AKAP14: variants seen among roughly 807,000 people sequenced by gnomAD.
The protein encoded by AKAP14 is A-kinase anchoring protein 14, also known as A-kinase anchor protein 14.
AKAP14 carries 4 observed loss-of-function variants against 17.0 expected under a neutral mutation model. That is an observed-to-expected ratio of 0.23 (90% CI 0.12 to 0.54). The LOEUF is 0.54. Ranked by LOEUF, AKAP14 falls within the 20% of genes least tolerant of loss-of-function variation. The pLI, the probability that AKAP14 is intolerant of heterozygous loss-of-function variation, is 0.95. For missense variants in AKAP14, 129 were observed against 150.9 expected (o/e 0.85, Z 0.76); for synonymous variants, 42 against 51.3 (o/e 0.82, Z 0.77).
At chrX:119,916,653 C>CTTT (rs34475201) in intron 5 of AKAP14, among the ~76,000 whole-genome samples, 1 of 66,461 alleles carries the variant, frequency 1.5e-5, no homozygotes, top group Non-Finnish European at 2.8e-5. Flanking sequence ...CCACGCCTGG[C>CTTT]TTTTTTTTTT....
intron 4 of AKAP14, among the ~76,000 whole-genome samples, chrX:119,908,103 TG>T (rs1443840166): frequency 9.1e-6 from 1 of 110,319 alleles, no homozygotes; most frequent in Non-Finnish European, 1.9e-5. Flanking sequence ...CTGGTCAACA[TG>T]GTGAAACCCT....
At chrX:119,906,295 C>T (rs1464690377) in intron 4 of AKAP14, among the ~76,000 whole-genome samples, 3 of 82,833 alleles carry the variant, frequency 3.6e-5, no homozygotes, top group East Asian at 4.3e-4. Flanking sequence ...AGTGCAGTGG[C>T]GTGATCTTGG....
rs537562998 is a variant in AKAP14 at position 119,914,575 on chromosome X, G to A, written c.262-124G>A. 14 of 636,446 alleles carry A rather than the reference G, an allele frequency of 2.2e-5. No individual in the cohort carries two copies. In the South Asian group the frequency reaches 3.6e-4, roughly 17 times the overall value. 52.5% of individuals were successfully genotyped at this position (636,446 alleles called of 1,213,427 possible). Reference sequence around the variant, plus strand: ...TGGGCTCAAGCAATCCTCCTGCCTCGGCCTCCCAAAGTGCTGGGATTACAG... The same window carrying A: ...TGGGCTCAAGCAATCCTCCTGCCTCAGCCTCCCAAAGTGCTGGGATTACAG... On this transcript the variant is annotated intron_variant, in intron 4 of 6. Transcript: ENST00000371431.
intron 4 of AKAP14, among the ~76,000 whole-genome samples, chrX:119,905,302 G>T (rs1051299944): frequency 8.9e-6 from 1 of 111,994 alleles, no homozygotes; most frequent in South Asian, 3.6e-4. Context: ...GCCACTCACC[G>T]TTCTCATTAG....
At chrX:119,907,496 C>T (rs193071977) in intron 4 of AKAP14, among the ~76,000 whole-genome samples, 1,913 of 109,323 alleles carry the variant, frequency 0.017, 35 homozygotes, top group African/African-American at 0.054. Flanking sequence ...CTTGCTCTGT[C>T]GCCCAAGCTG....
chrX:119,912,904 T>C lies in AKAP14; in HGVS notation c.262-1795T>C, dbSNP rs1438059177. Among the ~76,000 whole-genome samples the C allele has an allele frequency of 1.3e-4, 14 of 110,782 alleles. No homozygotes were observed. In the Admixed American group the frequency reaches 1.4e-3, roughly 11 times the overall value. ...CCGCAGTGGTGGGACTGTATTCCCA[T>C]CTCAACTCCAAGAATAGGCCCAGAC... is the stretch of plus-strand genomic sequence containing the variant. On this transcript the variant is annotated intron_variant, in intron 4 of 6. Transcript: ENST00000371431.
rs1325493257 is a variant in AKAP14, at chrX:119,914,676, T to C, written c.262-23T>C. ...AGAAGGCTTTTCTTTTTCTGTGTGC[T>C]TTTTCTTTTTTCTATGAAACAGAAG... On this transcript the variant is annotated intron_variant, in intron 4 of 6. Transcript: ENST00000371431. 3 of 1,185,517 alleles carry C rather than the reference T, an allele frequency of 2.5e-6. No homozygotes were observed. The South Asian group carries it at 5.6e-5, about 22-fold the overall frequency.
intron 4 of AKAP14, among the ~76,000 whole-genome samples, chrX:119,910,816 C>T (rs1401226746): frequency 9.2e-6 from 1 of 108,879 alleles, no homozygotes; most frequent in African/African-American, 3.3e-5. Flanking sequence ...GCATGCACCA[C>T]CACGCTGGGC....
intron 5 of AKAP14, among the ~76,000 whole-genome samples, chrX:119,916,652 GCTTT>G (rs1252166177): frequency 3.4e-4 from 24 of 70,480 alleles, no homozygotes; most frequent in Middle Eastern, 0.021. Context: ...ACCACGCCTG[GCTTT>G]TTTTTTTTTT....
intron 2 of AKAP14, among the ~76,000 whole-genome samples, chrX:119,897,949 A>G (rs927687595): frequency 1.8e-5 from 2 of 112,292 alleles, no homozygotes; most frequent in Admixed American, 9.5e-5. Context: ...CCTGGCCAAC[A>G]TGGTAAAACC....
At chrX:119,898,076 T>G (rs914864788) in intron 2 of AKAP14, among the ~76,000 whole-genome samples, 1 of 112,531 alleles carries the variant, frequency 8.9e-6, no homozygotes, top group African/African-American at 3.2e-5. Context: ...GGCAGGAGAA[T>G]TGCTTGAACC....
intron 5 of AKAP14, among the ~76,000 whole-genome samples, chrX:119,915,801 C>T (rs1433789364): frequency 2.8e-5 from 3 of 107,773 alleles, no homozygotes; most frequent in Non-Finnish European, 3.8e-5. Flanking sequence ...CCACCGTGCC[C>T]GGCCCCCCCA....
intron 4 of AKAP14, among the ~76,000 whole-genome samples, chrX:119,912,841 A>C (rs777369501): frequency 1.8e-5 from 2 of 111,553 alleles, no homozygotes; most frequent in East Asian, 5.6e-4. Context: ...GGATGTAACC[A>C]ACTGTGGATT....
chrX:119,902,365 C>T (rs113330683), intron 2 of AKAP14, among the ~76,000 whole-genome samples: 4,938 of 110,902 alleles, frequency 0.045, 102 homozygotes, highest in East Asian at 0.14. Flanking sequence ...TGAGCCACCG[C>T]GCCGGGCCTT....
Position 119,909,463 on chromosome X carries a change from G to A in AKAP14, c.262-5236G>A, listed in dbSNP as rs1014228499. Among the ~76,000 whole-genome samples the A allele has an allele frequency of 1.2e-4, 13 of 108,801 alleles. No individual in the cohort carries two copies. The South Asian group carries it at 5.3e-3, about 44-fold the overall frequency. The allele number at this position is 108,801 out of a possible 115,157, so 94.5% of individuals were successfully genotyped here. The stretch of plus-strand genomic sequence containing the variant: ...GAATCACTTGAACTCGGGAGGCGGA[G>A]GTTGCAGTGAGCCGAGAAAACGCCA... On this transcript the variant is annotated intron_variant, in intron 4 of 6. Coordinates refer to ENST00000371431, the MANE Select transcript of AKAP14 (RefSeq NM_178813.6).
intron 4 of AKAP14, among the ~76,000 whole-genome samples, chrX:119,912,120 G>A (rs1376837052): frequency 9.1e-6 from 1 of 109,333 alleles, no homozygotes; most frequent in Non-Finnish European, 1.9e-5. Context: ...TAGTAGAGAC[G>A]GGGTTTCACC....
chrX:119,904,716 C>G (rs4825682), intron 4 of AKAP14, among the ~76,000 whole-genome samples: 15,350 of 110,412 alleles, frequency 0.14, 1,040 homozygotes, highest in African/African-American at 0.27. Flanking sequence ...AACCCCGTCT[C>G]TATTAAAAAT....
intron 4 of AKAP14, among the ~76,000 whole-genome samples, chrX:119,909,099 T>A (rs1004365224): frequency 9.0e-6 from 1 of 111,544 alleles, no homozygotes; most frequent in Non-Finnish European, 1.9e-5. Context: ...TTATCTCTAG[T>A]GACCTATTCA....
chrX:119,898,235 A>G (rs1340858319), intron 2 of AKAP14, among the ~76,000 whole-genome samples: 1 of 112,090 alleles, frequency 8.9e-6, no homozygotes. Context: ...CTGAGGTGGG[A>G]GGATCACTTG....
Sources: allele counts gnomAD v4.1 joint callset (sites outside exome capture counted in the v4.1 genomes callset), GRCh38; gene constraint gnomAD v4.1.1; transcripts MANE v1.5; gene names NCBI Gene and HGNC (gene_info 2026-07-23, HGNC 2026-07-21).